Variants in OPRM1 observed in about 807,000 individuals in gnomAD.
OPRM1 encodes the protein mu-type opioid receptor.
OPRM1 carries 27 observed loss-of-function variants against 31.8 expected under a neutral mutation model. That is an observed-to-expected ratio of 0.85 (90% confidence interval 0.63 to 1.17). The LOEUF (loss-of-function observed/expected upper bound fraction) is 1.17, where lower values mean the gene tolerates loss of function less well. Among genes scored for constraint, OPRM1 ranks in the 50% most tolerant of loss-of-function variants. OPRM1 has a pLI of 0.00. For missense variants in OPRM1, 536 were observed against 511.1 expected, an observed-to-expected ratio of 1.05 and a Z score of -0.47; for synonymous variants, 196 against 189.9, an observed-to-expected ratio of 1.03 and a Z score of -0.26.
At chr6:154,180,716 G>C (rs980960285) in intron 3 of OPRM1, among the ~76,000 whole-genome samples, 2 of 152,022 alleles carry the variant, frequency 1.3e-5, no homozygotes, top group Admixed American at 6.6e-5. Context: ...CTAGAATGTG[G>C]CTGTTTATTT....
chr6:154,036,038 G>T (rs1052468378), upstream of OPRM1, among the ~76,000 whole-genome samples: 2 of 152,012 alleles, frequency 1.3e-5, no homozygotes, highest in Non-Finnish European at 2.9e-5. Context: ...CCTTTTATGA[G>T]AGACTTGAAC....
At chr6:154,229,855 A>T (rs1428908225) in intron 3 of OPRM1, among the ~76,000 whole-genome samples, 1 of 152,248 alleles carries the variant, frequency 6.6e-6, no homozygotes, top group Admixed American at 6.5e-5. Context: ...AATATGACAC[A>T]GCCATACGAC....
intron 1 of OPRM1, among the ~76,000 whole-genome samples, chr6:154,076,449 A>T (rs1787901331): frequency 6.6e-6 from 1 of 152,224 alleles, no homozygotes; most frequent in Non-Finnish European, 1.5e-5. Context: ...CCAGAAATAG[A>T]TGAAATTATT....
At chr6:154,109,788 C>CTG (rs1462157057) in intron 3 of OPRM1, among the ~76,000 whole-genome samples, 1,552 of 103,764 alleles carry the variant, frequency 0.015, 9 homozygotes, top group East Asian at 0.058. Flanking sequence ...CTCTCTCTCT[C>CTG]TCTCTGTGTG....
intron 3 of OPRM1, among the ~76,000 whole-genome samples, chr6:154,142,791 A>G (rs571905754): frequency 3.1e-4 from 47 of 152,338 alleles, no homozygotes; most frequent in African/African-American, 1.0e-3. Context: ...ATTGAGGTAG[A>G]CTTGCACGGA....
chr6:154,213,017 C>T (rs1583813782), intron 3 of OPRM1: 1 of 600,086 alleles, frequency 1.7e-6, no homozygotes. Context: ...AAAGGAATTA[C>T]ATAAGAGGCA....
chr6:154,181,470 T>C (rs1027962267), intron 3 of OPRM1, among the ~76,000 whole-genome samples: 10 of 152,256 alleles, frequency 6.6e-5, no homozygotes, highest in Non-Finnish European at 1.5e-4. Context: ...TCTTAAATAC[T>C]ATGCTTTAAA....
intron 1 of OPRM1, among the ~76,000 whole-genome samples, chr6:154,068,262 C>T (rs1448730232): frequency 6.6e-6 from 1 of 152,052 alleles, no homozygotes; most frequent in Non-Finnish European, 1.5e-5. Context: ...TTCAATAGTA[C>T]CATATTTCAA....
intron 3 of OPRM1, among the ~76,000 whole-genome samples, chr6:154,153,412 G>C (rs1398077870): frequency 6.6e-6 from 1 of 152,160 alleles, no homozygotes; most frequent in Non-Finnish European, 1.5e-5. Context: ...GGCCAGGACC[G>C]GTGGCTTACG....
rs116504957 is a variant in OPRM1, at chr6:154,239,388, A to G, written c.1165-7305A>G. 2.7e-3 allele frequency among the ~76,000 whole-genome samples: 414 copies of G among 152,368 alleles called. 1 individual carries two copies. The highest frequency in any genetic ancestry group is 9.1e-3 in the African/African-American group (378 of 41,590). On this transcript the variant is annotated intron_variant, in intron 3 of 3. Transcript: ENST00000337049. ...ATACATTATAGACAATAAATAAACT[A>G]AATGTCCATTTAAAAATTCATTTCC...
At chr6:154,138,352 C>A (rs537461613) in intron 3 of OPRM1, among the ~76,000 whole-genome samples, 4 of 152,110 alleles carry the variant, frequency 2.6e-5, no homozygotes, top group Non-Finnish European at 5.9e-5. Flanking sequence ...TCAGTTGAAT[C>A]GCCTGATTGC....
chr6:154,165,514 G>T (rs1366041141), intron 3 of OPRM1, among the ~76,000 whole-genome samples: 1 of 152,086 alleles, frequency 6.6e-6, no homozygotes, highest in Non-Finnish European at 1.5e-5. Context: ...AGATTAATAG[G>T]ACTGCATGAC....
rs977291634 is a variant in OPRM1 at position 154,119,241 on chromosome 6, G to T, written c.*520G>T. The stretch of plus-strand genomic sequence containing the variant: ...ACCTTAAAATTAGCATCTGGCTAAG[G>T]CATCATTTTCACCTCCATTTCTTGG... On this transcript the variant is annotated 3_prime_UTR_variant, in exon 4 of 4. Coordinates refer to ENST00000330432, the MANE Select transcript of OPRM1 (RefSeq NM_000914.5). 3.0e-6 allele frequency: 3 copies of T among 985,314 alleles called. No individual in the cohort carries two copies. The highest frequency in any genetic ancestry group is 9.4e-5 in the South Asian group (2 of 21,272). 61.0% of individuals were successfully genotyped at this position (985,314 alleles called of 1,614,324 possible). A position where few individuals can be genotyped will look rare whatever the true frequency, so the allele number is the denominator to read the frequency against.
intron 3 of OPRM1, among the ~76,000 whole-genome samples, chr6:154,203,777 C>T (rs916813911): frequency 3.3e-5 from 5 of 152,154 alleles, no homozygotes; most frequent in African/African-American, 4.8e-5. Context: ...TCTTGTTTGA[C>T]ACATAATTGG....
chr6:154,122,621 T>C lies in OPRM1; in HGVS notation c.*3900T>C, dbSNP rs181566207. 1.6e-4 allele frequency among the ~76,000 whole-genome samples: 25 copies of C among 152,294 alleles called. No individual in the cohort carries two copies. In the East Asian group the frequency reaches 4.4e-3, roughly 27 times the overall value. ...CAGTGTTCTTCACTGTCTTCAAAAATATAAAAAGTACAAGGAATTGTGTAC... is the reference window on the plus strand; with the variant it reads ...CAGTGTTCTTCACTGTCTTCAAAAACATAAAAAGTACAAGGAATTGTGTAC... On this transcript the variant is annotated 3_prime_UTR_variant, in exon 4 of 4. Transcript: ENST00000330432.
chr6:154,060,603 A>G (rs1784205296), intron 1 of OPRM1, among the ~76,000 whole-genome samples: 1 of 152,202 alleles, frequency 6.6e-6, no homozygotes, highest in African/African-American at 2.4e-5. Flanking sequence ...TGCTTATTGT[A>G]TCAATATGAT....
intron 1 of OPRM1, among the ~76,000 whole-genome samples, chr6:154,041,250 T>C (rs574277677): frequency 6.6e-6 from 1 of 152,316 alleles, no homozygotes; most frequent in East Asian, 1.9e-4. Context: ...AAGTATTGTC[T>C]GTAAGAAAAG....
At chr6:154,014,874 C>G (rs1212075670) in intron 1 of OPRM1, among the ~76,000 whole-genome samples, 1 of 152,058 alleles carries the variant, frequency 6.6e-6, no homozygotes, top group African/African-American at 2.4e-5. Context: ...AAAGCAATAT[C>G]CTATATGCAC....
chr6:154,117,330 C>T (rs988523032), intron 3 of OPRM1, among the ~76,000 whole-genome samples: 2 of 152,128 alleles, frequency 1.3e-5, no homozygotes, highest in Admixed American at 6.5e-5. Flanking sequence ...TAATAGAATT[C>T]CAAAAGAGAT....
Sources: allele counts gnomAD v4.1 joint callset (sites outside exome capture counted in the v4.1 genomes callset), GRCh38; gene constraint gnomAD v4.1.1; transcripts MANE v1.5; gene names NCBI Gene and HGNC (gene_info 2026-07-23, HGNC 2026-07-21).